The following ABLIM1 variants were observed in gnomAD, a reference collection of about 807,000 sequenced individuals.
ABLIM1 encodes the protein actin-binding LIM protein 1.
ABLIM1 carries 40 observed loss-of-function variants against 107.0 expected under a neutral mutation model. The observed-to-expected ratio is 0.37, with a 90% CI of 0.29 to 0.49. The LOEUF (loss-of-function observed/expected upper bound fraction) is 0.49. ABLIM1 is among the 20% of genes least tolerant of loss of function. The pLI, the probability that ABLIM1 is intolerant of heterozygous loss-of-function variation, is 0.97. For missense variants in ABLIM1, 857 were observed against 1,008.5 expected (o/e 0.85, Z 2.04); for synonymous variants, 357 against 357.3 (o/e 1.00, Z 0.01).
At chr10:114,692,310 A>T (rs2081096866) in intron 1 of ABLIM1, among the ~76,000 whole-genome samples, 1 of 152,314 alleles carries the variant, frequency 6.6e-6, no homozygotes, top group African/African-American at 2.4e-5. Flanking sequence ...ACTTTCAAAG[A>T]TTTCAAAGAT....
chr10:114,501,312 C>G (rs2060390992), intron 6 of ABLIM1, among the ~76,000 whole-genome samples: 1 of 152,206 alleles, frequency 6.6e-6, no homozygotes, highest in Non-Finnish European at 1.5e-5. Context: ...CTGTCCAACT[C>G]TAGAGACTGT....
intron 1 of ABLIM1, among the ~76,000 whole-genome samples, chr10:114,706,812 C>T (rs182010141): frequency 5.2e-4 from 79 of 152,124 alleles, no homozygotes; most frequent in Non-Finnish European, 2.2e-4. Context: ...ATAATGAGAA[C>T]GGCCTGCTAC....
chr10:114,690,893 G>GA, intron 1 of ABLIM1, among the ~76,000 whole-genome samples: 1 of 152,308 alleles, frequency 6.6e-6, no homozygotes, highest in Admixed American at 6.5e-5. Context: ...TGTTGGCCAG[G>GA]CTGGTCTCGA....
At chr10:114,690,546 G>A in intron 1 of ABLIM1, 3 of 1,272,230 alleles carry the variant, frequency 2.4e-6, no homozygotes, top group Non-Finnish European at 3.5e-6. Flanking sequence ...GTTTTCTGCT[G>A]TCTTTGGAAA....
At chr10:114,748,002 C>T (rs113696146) in intron 1 of ABLIM1, among the ~76,000 whole-genome samples, 2 of 152,208 alleles carry the variant, frequency 1.3e-5, no homozygotes, top group African/African-American at 4.8e-5. Flanking sequence ...ATGGGGCCAT[C>T]GCACTCCAGC....
intron 1 of ABLIM1, among the ~76,000 whole-genome samples, chr10:114,702,680 C>T (rs1340928431): frequency 6.6e-6 from 1 of 152,022 alleles, no homozygotes; most frequent in Non-Finnish European, 1.5e-5. Flanking sequence ...GCGCCCGCCA[C>T]CACGCCCGGC....
chr10:114,483,037 T>G (rs1308549527), intron 8 of ABLIM1, among the ~76,000 whole-genome samples: 2 of 152,240 alleles, frequency 1.3e-5, no homozygotes, highest in Non-Finnish European at 2.9e-5. Context: ...GGGACAATCT[T>G]TGGCTGTTCC....
chr10:114,533,292 G>T (rs1019298035), intron 6 of ABLIM1, among the ~76,000 whole-genome samples: 10 of 152,116 alleles, frequency 6.6e-5, no homozygotes, highest in African/African-American at 2.4e-4. Context: ...ACTGAGCCAA[G>T]ATAGTGCCAC....
chr10:114,520,481 A>T (rs1305876714), intron 6 of ABLIM1, among the ~76,000 whole-genome samples: 6 of 151,938 alleles, frequency 3.9e-5, no homozygotes, highest in Non-Finnish European at 8.8e-5. Context: ...TTCTAGGGGA[A>T]ATCAGTGCCA....
At chr10:114,493,991 T>C (rs994073008) in intron 6 of ABLIM1, among the ~76,000 whole-genome samples, 2 of 152,196 alleles carry the variant, frequency 1.3e-5, no homozygotes, top group Non-Finnish European at 2.9e-5. Flanking sequence ...GATTTTCCCT[T>C]CCTGTCATAA....
intron 1 of ABLIM1, among the ~76,000 whole-genome samples, chr10:114,724,990 AATG>A (rs1381933647): frequency 6.6e-6 from 1 of 152,170 alleles, no homozygotes; most frequent in Non-Finnish European, 1.5e-5. Context: ...AAACAAGTAA[AATG>A]ATGTTTCTCT....
chr10:114,540,657 T>C (rs1317710438), intron 6 of ABLIM1, among the ~76,000 whole-genome samples: 1 of 152,206 alleles, frequency 6.6e-6, no homozygotes, highest in African/African-American at 2.4e-5. Flanking sequence ...GGAGCGTCTC[T>C]TCTCTATCAT....
exon 1 of ABLIM1, chr10:114,684,757 T>A: frequency 1.0e-6 from 1 of 987,734 alleles, no homozygotes; most frequent in Non-Finnish European, 1.2e-6. Context: ...AGAATCCAGA[T>A]TTTGATCACT....
upstream of ABLIM1, among the ~76,000 whole-genome samples, chr10:114,768,339 G>A (rs1173638634): frequency 2.0e-5 from 3 of 148,622 alleles, no homozygotes; most frequent in Non-Finnish European, 3.0e-5. Flanking sequence ...CGAGCCGCCG[G>A]GGCCCACCCG....
At chr10:114,651,557 G>A (rs1301575999) in intron 1 of ABLIM1, among the ~76,000 whole-genome samples, 1 of 152,130 alleles carries the variant, frequency 6.6e-6, no homozygotes, top group Non-Finnish European at 1.5e-5. Flanking sequence ...GGGTGTTTGG[G>A]GGTTAAGAGT....
At chr10:114,533,590 T>C (rs1305685286) in intron 6 of ABLIM1, among the ~76,000 whole-genome samples, 1 of 152,214 alleles carries the variant, frequency 6.6e-6, no homozygotes, top group African/African-American at 2.4e-5. Flanking sequence ...AAATCTCTCT[T>C]GAACTCAGGA....
At chr10:114,728,257 C>T (rs1566279529) in intron 1 of ABLIM1, among the ~76,000 whole-genome samples, 2 of 152,234 alleles carry the variant, frequency 1.3e-5, no homozygotes, top group South Asian at 4.1e-4. Flanking sequence ...AACGGGAACG[C>T]TTTTATACTG....
At position 114,583,468 on chromosome 10, in the gene ABLIM1, CAT is replaced by C. The variant is rs140129654; in HGVS notation, c.380-7871_380-7870del. ...ACACACACACACACACACACACACACATATATATATATATATATATATATATA... is the reference window on the plus strand; with the variant it reads ...ACACACACACACACACACACACACACATATATATATATATATATATATATA... On this transcript the variant is annotated intron_variant, in intron 2 of 22. Coordinates refer to ENST00000533213, the MANE Select transcript of ABLIM1 (RefSeq NM_002313.7). 1.9e-3 allele frequency among the ~76,000 whole-genome samples: 29 copies of C among 15,102 alleles called. No homozygotes were observed. The South Asian group carries it at 0.022, about 11-fold the overall frequency. 9.9% of individuals were successfully genotyped at this position (15,102 alleles called of 152,430 possible).
At chr10:114,634,079 G>A (rs188715630) in intron 1 of ABLIM1, among the ~76,000 whole-genome samples, 2 of 142,926 alleles carry the variant, frequency 1.4e-5, no homozygotes, top group African/African-American at 2.6e-5. Context: ...GAGCAAACCC[G>A]ATCATATGTA....
Sources: allele counts gnomAD v4.1 joint callset (sites outside exome capture counted in the v4.1 genomes callset), GRCh38; gene constraint gnomAD v4.1.1; transcripts MANE v1.5; gene names NCBI Gene and HGNC (gene_info 2026-07-23, HGNC 2026-07-21).